Variants in ANK2 observed in about 807,000 individuals in gnomAD.
ANK2 encodes the protein ankyrin 2.
Under a neutral mutation model 360.5 loss-of-function variants are expected in ANK2, and 83 were observed. That is an observed-to-expected ratio of 0.23 (90% CI 0.19 to 0.28). The LOEUF (loss-of-function observed/expected upper bound fraction) is 0.28. Among genes scored for constraint, ANK2 ranks in the 10% least tolerant of loss-of-function variants. ANK2 has a pLI of 1.00. For synonymous variants in ANK2, 1,740 were observed against 1,759.5 expected (o/e 0.99, Z 0.28); for missense variants, 4,201 against 4,795.7 (o/e 0.88, Z 3.66).
At chr4:113,086,212 T>C (rs969564113) in intron 1 of ANK2, among the ~76,000 whole-genome samples, 1 of 152,210 alleles carries the variant, frequency 6.6e-6, no homozygotes, top group African/African-American at 2.4e-5. Flanking sequence ...ACACTTTGCC[T>C]GCCTTTTAAA....
At chr4:113,158,654 G>A (rs2097393222) in intron 1 of ANK2, among the ~76,000 whole-genome samples, 1 of 152,040 alleles carries the variant, frequency 6.6e-6, no homozygotes, top group Non-Finnish European at 1.5e-5. Context: ...AATGAGAAAT[G>A]GCACAACCTA....
chr4:113,225,615 C>G (rs2099209761), intron 4 of ANK2, among the ~76,000 whole-genome samples: 1 of 152,018 alleles, frequency 6.6e-6, no homozygotes, highest in Non-Finnish European at 1.5e-5. Context: ...AAGTTCTTAT[C>G]CAAAACATTG....
At chr4:113,024,580 T>A (rs968212003) in intron 2 of ANK2, among the ~76,000 whole-genome samples, 7 of 152,200 alleles carry the variant, frequency 4.6e-5, no homozygotes, top group Non-Finnish European at 8.8e-5. Context: ...TCACATGGTC[T>A]GTGGCTAGCA....
intron 1 of ANK2, among the ~76,000 whole-genome samples, chr4:112,876,849 C>T (rs1031251804): frequency 6.6e-6 from 1 of 152,126 alleles, no homozygotes; most frequent in Non-Finnish European, 1.5e-5. Context: ...AGTCTAGGTT[C>T]CAGGATCACT....
intron 1 of ANK2, among the ~76,000 whole-genome samples, chr4:113,154,826 A>G (rs1384037436): frequency 6.6e-6 from 1 of 152,188 alleles, no homozygotes. Context: ...TGGACATGCC[A>G]ACTGCCATTC....
In ANK2 at chr4:113,330,327, A is replaced by G; in HGVS notation, c.2982A>G (p.Pro994=). 6.2e-7 allele frequency: 1 copy of G among 1,614,084 alleles called. No homozygotes were observed. The highest frequency in any genetic ancestry group is 8.5e-7 in the Non-Finnish European group (1 of 1,180,018). Residue 994 remains proline, a synonymous_variant, in exon 27 of 46, where the codon CCA becomes CCG. Transcript: ENST00000357077. Reference sequence around the variant, plus strand: ...ACAATGGGCTCCGAATCATTATTCCACCTCGGAAATGTACTGCTCCAACGC... The same window carrying G: ...ACAATGGGCTCCGAATCATTATTCCGCCTCGGAAATGTACTGCTCCAACGC... ...CRHNGLRIII[P]PRKCTAPTRV... is the part of the protein sequence containing the mutation.
intron 7 of ANK2, among the ~76,000 whole-genome samples, chr4:113,238,835 T>G (rs528189572): frequency 2.6e-4 from 39 of 152,210 alleles, no homozygotes; most frequent in Admixed American, 1.8e-3. Flanking sequence ...ACCAGTTTTG[T>G]GCTGATCCAA....
At chr4:112,954,503 A>T (rs751325374) in intron 2 of ANK2, among the ~76,000 whole-genome samples, 1 of 152,152 alleles carries the variant, frequency 6.6e-6, no homozygotes, top group South Asian at 2.1e-4. Context: ...GCACACTACT[A>T]CAAACTCTAA....
chr4:113,096,710 A>ATTG (rs1389567073), intron 1 of ANK2, among the ~76,000 whole-genome samples: 2 of 152,088 alleles, frequency 1.3e-5, no homozygotes, highest in African/African-American at 4.8e-5. Flanking sequence ...TACTATTATT[A>ATTG]TTATTGTTGT....
At position 113,275,478 on chromosome 4, in the gene ANK2, T is replaced by C. The variant is rs187958129; in HGVS notation, c.1683+829T>C. 2.0e-3 allele frequency among the ~76,000 whole-genome samples: 311 copies of C among 152,284 alleles called. 1 individual carries two copies. Among genetic ancestry groups the C allele is most frequent in the African/African-American group, 7.0e-3 (292 of 41,570 alleles). On this transcript the variant is annotated intron_variant, in intron 15 of 45. Coordinates refer to ENST00000357077, the MANE Select transcript of ANK2 (RefSeq NM_001148.6). ...TGAAAGGACAATTTCAATTCTCTCA[T>C]AATCAGTAGGTATAAGTACTTCATC... is the stretch of plus-strand genomic sequence containing the variant.
rs144250442 is a variant in ANK2 at position 113,043,526 on chromosome 4, C to T, written c.22-130890C>T. 9.2e-3 allele frequency among the ~76,000 whole-genome samples: 1,401 copies of T among 152,148 alleles called. 25 individuals carry two copies. The highest frequency in any genetic ancestry group is 0.031 in the African/African-American group (1,287 of 41,522). Reference sequence around the variant, plus strand: ...GCTTAAGTGGTCTTCCTGCTTTGCCCTCCCCAAAGCACTGGGATTACAGGC... The same window carrying T: ...GCTTAAGTGGTCTTCCTGCTTTGCCTTCCCCAAAGCACTGGGATTACAGGC... On this transcript the variant is annotated intron_variant, in intron 2 of 30. Coordinates refer to the ANK2 transcript ENST00000503271.
rs929692633 is a variant in ANK2 at position 112,870,148 on chromosome 4, G to C, written c.-39-34307G>C. Among the ~76,000 whole-genome samples, 25 of 151,848 alleles carry C rather than the reference G, an allele frequency of 1.6e-4. 1 individual carries two copies. Among genetic ancestry groups the C allele is most frequent in the Admixed American group, 1.6e-3 (25 of 15,224 alleles). ...CTAGTAGCTGGGACTACAGGTGCCC[G>C]CCACCACACCCGGCTAATTTTTGTA... On this transcript the variant is annotated intron_variant, in intron 1 of 30. Transcript: ENST00000503271.
intron 26 of ANK2, among the ~76,000 whole-genome samples, chr4:113,329,866 A>G (rs1464015397): frequency 6.6e-6 from 1 of 152,196 alleles, no homozygotes; most frequent in African/African-American, 2.4e-5. Flanking sequence ...TAGGATGTAC[A>G]CATAAGGAAG....
intron 41 of ANK2, among the ~76,000 whole-genome samples, chr4:113,366,389 T>G (rs2096535069): frequency 1.4e-5 from 2 of 143,118 alleles, no homozygotes; most frequent in South Asian, 4.3e-4. Context: ...CATTCTTGCT[T>G]CCTTTTTTTT....
intron 38 of ANK2, among the ~76,000 whole-genome samples, chr4:113,360,105 A>G (rs904827314): frequency 2.0e-5 from 3 of 152,200 alleles, no homozygotes; most frequent in African/African-American, 4.8e-5. Context: ...AAACTTTCCT[A>G]TACCATGGTC....
chr4:113,376,176 T>G (rs2096926197), intron 45 of ANK2, among the ~76,000 whole-genome samples: 1 of 152,122 alleles, frequency 6.6e-6, no homozygotes, highest in African/African-American at 2.4e-5. Context: ...TAGACAACTT[T>G]GTCATTGTGT....
At chr4:113,027,551 A>G (rs2059543646) in intron 2 of ANK2, among the ~76,000 whole-genome samples, 1 of 152,082 alleles carries the variant, frequency 6.6e-6, no homozygotes, top group African/African-American at 2.4e-5. Context: ...GCGGAACCAT[A>G]TGCTTCTGCC....
chr4:113,381,326 TG>T, intron 45 of ANK2, 130 bp from the exon 46 acceptor site: 5 of 937,900 alleles, frequency 5.3e-6, no homozygotes, highest in Non-Finnish European at 8.7e-6. Flanking sequence ...TAGTTTGTTA[TG>T]CTAATAGTTT....
intron 2 of ANK2, among the ~76,000 whole-genome samples, chr4:112,962,809 A>G (rs1222811020): frequency 1.3e-5 from 2 of 152,204 alleles, no homozygotes; most frequent in East Asian, 3.8e-4. Flanking sequence ...TGGCAAGAGT[A>G]GAATGACATG....
Sources: allele counts gnomAD v4.1 joint callset (sites outside exome capture counted in the v4.1 genomes callset), GRCh38; gene constraint gnomAD v4.1.1; transcripts MANE v1.5; gene names NCBI Gene and HGNC (gene_info 2026-07-23, HGNC 2026-07-21).